Variants in COL19A1 observed in about 807,000 individuals in gnomAD.
COL19A1 encodes collagen alpha-1(XIX) chain.
In COL19A1, 159 loss-of-function variants were observed where a neutral mutation model predicts 190.2. That is an observed-to-expected ratio of 0.84 (90% CI 0.73 to 0.95). COL19A1 has a LOEUF of 0.95. Among genes scored for constraint, COL19A1 ranks in the 40% least tolerant of loss-of-function variants. The probability of loss-of-function intolerance (pLI) is 0.00; values close to 1 mark genes in which losing one functional copy is unlikely to be tolerated. For synonymous variants in COL19A1, 509 were observed against 458.9 expected (o/e 1.11, Z -1.39); for missense variants, 1,418 against 1,431.9 (o/e 0.99, Z 0.16).
rs946405744 is a variant in COL19A1 at position 70,157,638 on chromosome 6, A to G, written c.2292+915A>G. 1.8e-4 allele frequency among the ~76,000 whole-genome samples: 27 copies of G among 152,092 alleles called. 1 individual carries two copies. The highest frequency in any genetic ancestry group is 1.7e-3 in the Admixed American group (26 of 15,248). The stretch of plus-strand genomic sequence containing the variant: ...AAACTTTGAGGTTTGATTTTTTCCC[A>G]AGTTAAAAATTGAATACCAAGTATA... On this transcript the variant is annotated intron_variant, in intron 34 of 50. Coordinates refer to ENST00000620364, the MANE Select transcript of COL19A1 (RefSeq NM_001858.6).
intron 11 of COL19A1, among the ~76,000 whole-genome samples, chr6:69,967,992 A>G (rs1775220386): frequency 6.6e-6 from 1 of 152,228 alleles, no homozygotes; most frequent in Admixed American, 6.5e-5. Context: ...TAATAAAGTC[A>G]TGCATCAAAA....
Position 70,180,298 on chromosome 6 carries a change from A to T in COL19A1, c.2668-14A>T, listed in dbSNP as rs775160461. 2.7e-5 allele frequency: 43 copies of T among 1,613,998 alleles called. No homozygotes were observed. The highest frequency in any genetic ancestry group is 3.6e-5 in the Non-Finnish European group (42 of 1,180,002). ...ATTTGGCTCCTAACATTTCTCTTCA[A>T]TTTGCCTTGCCAGGGAAAACCTGGT... On this transcript the variant is annotated splice_polypyrimidine_tract_variant and intron_variant, in intron 42 of 50. Transcript: ENST00000620364.
At chr6:70,184,966 T>C (rs746917673) in intron 46 of COL19A1, 51 bp downstream of exon 46, 7 of 1,553,748 alleles carry the variant, frequency 4.5e-6, no homozygotes, top group Middle Eastern at 1.7e-4. Context: ...GTTACAACTG[T>C]CCCATCATTT....
At chr6:69,875,139 G>T (rs919410748) in intron 1 of COL19A1, among the ~76,000 whole-genome samples, 2 of 152,294 alleles carry the variant, frequency 1.3e-5, no homozygotes, top group East Asian at 1.9e-4. Context: ...GGGCTTTTGC[G>T]CATAGTAACA....
At chr6:70,045,295 A>G (rs1335727697) in intron 14 of COL19A1, among the ~76,000 whole-genome samples, 1 of 146,364 alleles carries the variant, frequency 6.8e-6, no homozygotes, top group Non-Finnish European at 1.5e-5. Context: ...CTGGGCAACA[A>G]GAGCGAGACT....
intron 9 of COL19A1, among the ~76,000 whole-genome samples, chr6:69,957,629 C>G (rs899239341): frequency 6.6e-6 from 1 of 152,026 alleles, no homozygotes; most frequent in Middle Eastern, 3.4e-3. Flanking sequence ...GATTTTCTTT[C>G]AATAATGAAC....
At chr6:69,937,907 C>T in intron 8 of COL19A1, 131 bp from the exon 9 acceptor site, 1 of 756,492 alleles carries the variant, frequency 1.3e-6, no homozygotes, top group Non-Finnish European at 2.1e-6. Context: ...CTCACTATTC[C>T]TCACTCTAAG....
At chr6:69,929,150 ATAAC>A (rs1280542769) in intron 5 of COL19A1, among the ~76,000 whole-genome samples, 1 of 141,596 alleles carries the variant, frequency 7.1e-6, no homozygotes, top group Non-Finnish European at 1.5e-5. Flanking sequence ...AACATTTAAA[ATAAC>A]TACACACACA....
intron 4 of COL19A1, among the ~76,000 whole-genome samples, chr6:69,907,495 A>C (rs534913160): frequency 9.9e-5 from 15 of 152,228 alleles, no homozygotes; most frequent in African/African-American, 3.6e-4. Flanking sequence ...ATTTAGGATT[A>C]TTTTCATACA....
intron 16 of COL19A1, among the ~76,000 whole-genome samples, chr6:70,108,922 A>G (rs1345289392): frequency 1.3e-5 from 2 of 152,136 alleles, no homozygotes; most frequent in Non-Finnish European, 2.9e-5. Context: ...TGCACAATTA[A>G]AAGAGTAAAT....
Position 70,207,386 on chromosome 6 carries a change from T to TC in COL19A1, c.*112_*113insC, listed in dbSNP as rs1409457267. 5 of 978,388 alleles carry TC rather than the reference T, an allele frequency of 5.1e-6. No homozygotes were observed. Among genetic ancestry groups the TC allele is most frequent in the Non-Finnish European group, 5.6e-6 (4 of 720,006 alleles). The allele number at this position is 978,388 out of a possible 1,614,324, so 60.6% of individuals were successfully genotyped here. ...TTGCTTTTTTTTTTTTTTTTTTTTT[T>TC]TGGGAGTAAGCCAGGCATTAAAAGC... On this transcript the variant is annotated 3_prime_UTR_variant, in exon 51 of 51. Transcript: ENST00000620364.
intron 15 of COL19A1, among the ~76,000 whole-genome samples, chr6:70,085,493 G>T (rs1345789609): frequency 6.6e-6 from 1 of 152,148 alleles, no homozygotes; most frequent in African/African-American, 2.4e-5. Context: ...TAAAGTGTTT[G>T]TACTTCTAAT....
At chr6:70,007,604 A>G (rs1057464909) in intron 11 of COL19A1, among the ~76,000 whole-genome samples, 10 of 151,998 alleles carry the variant, frequency 6.6e-5, no homozygotes, top group Admixed American at 1.3e-4. Flanking sequence ...ATGAAAGACA[A>G]TAGGCAATTA....
At chr6:70,092,917 C>G (rs1043775208) in intron 15 of COL19A1, among the ~76,000 whole-genome samples, 69 of 152,264 alleles carry the variant, frequency 4.5e-4, no homozygotes, top group African/African-American at 1.5e-3. Context: ...GTTCCTGTTT[C>G]ACGGGCTTAG....
At chr6:70,044,451 G>T (rs1779800187) in intron 14 of COL19A1, among the ~76,000 whole-genome samples, 1 of 152,136 alleles carries the variant, frequency 6.6e-6, no homozygotes, top group Non-Finnish European at 1.5e-5. Flanking sequence ...CTAGCTTTTG[G>T]TGTATCTCAG....
chr6:70,180,381 C>G, intron 43 of COL19A1, 25 bp downstream of exon 43: 1 of 1,614,094 alleles, frequency 6.2e-7, no homozygotes, highest in Non-Finnish European at 8.5e-7. Flanking sequence ...ACTTTCATGA[C>G]AGTTGTACTT....
chr6:69,975,640 A>G (rs1775673982), intron 11 of COL19A1, among the ~76,000 whole-genome samples: 1 of 152,186 alleles, frequency 6.6e-6, no homozygotes, highest in African/African-American at 2.4e-5. Context: ...TGTTAACGTT[A>G]AACTTTTGAT....
chr6:70,097,670 A>C lies in COL19A1; in HGVS notation c.1225-4499A>C, dbSNP rs116372770. ...GTCTAATAATCTCCACACTGTTGCC[A>C]AACAGAAAACTGACATATTGAGCAC... On this transcript the variant is annotated intron_variant, in intron 15 of 50. Coordinates refer to ENST00000620364, the MANE Select transcript of COL19A1 (RefSeq NM_001858.6). Among the ~76,000 whole-genome samples the C allele has an allele frequency of 6.4e-3, 980 of 152,290 alleles. 11 individuals are homozygous for C. The highest frequency in any genetic ancestry group is 0.021 in the African/African-American group (892 of 41,560).
intron 4 of COL19A1, among the ~76,000 whole-genome samples, chr6:69,926,033 C>A (rs975204607): frequency 6.6e-6 from 1 of 152,140 alleles, no homozygotes; most frequent in African/African-American, 2.4e-5. Context: ...CATCTGCAAA[C>A]AGGGACAATT....
Sources: allele counts gnomAD v4.1 joint callset (sites outside exome capture counted in the v4.1 genomes callset), GRCh38; gene constraint gnomAD v4.1.1; transcripts MANE v1.5; gene names NCBI Gene and HGNC (gene_info 2026-07-23, HGNC 2026-07-21).